SYT14: variants seen among roughly 807,000 people sequenced by gnomAD.
SYT14 encodes synaptotagmin 14, also known as synaptotagmin-14.
Under a neutral mutation model 74.2 loss-of-function variants are expected in SYT14, and 32 were observed. That is an observed-to-expected ratio of 0.43 (90% confidence interval 0.33 to 0.58). SYT14 has a LOEUF of 0.58. Among genes scored for constraint, SYT14 ranks in the 20% least tolerant of loss-of-function variants. The pLI, the probability that SYT14 is intolerant of heterozygous loss-of-function variation, is 0.05. For synonymous variants in SYT14, 298 were observed against 337.7 expected (o/e 0.88, Z 1.29); for missense variants, 791 against 981.8 (o/e 0.81, Z 2.60).
intron 7 of SYT14, among the ~76,000 whole-genome samples, chr1:210,146,166 C>T (rs979132348): frequency 3.4e-4 from 51 of 151,936 alleles, no homozygotes; most frequent in Admixed American, 2.6e-3. Context: ...GGTGAAACCC[C>T]ATCTCTACTA....
At chr1:210,043,859 CTA>C (rs545821891) in intron 5 of SYT14, among the ~76,000 whole-genome samples, 8 of 152,124 alleles carry the variant, frequency 5.3e-5, no homozygotes, top group Non-Finnish European at 1.0e-4. Context: ...ACCAGGTACT[CTA>C]TTTTTATTAT....
intron 2 of SYT14, among the ~76,000 whole-genome samples, chr1:209,960,025 A>G (rs2102708198): frequency 6.6e-6 from 1 of 152,230 alleles, no homozygotes; most frequent in East Asian, 1.9e-4. Context: ...TTCCTTTGAT[A>G]TTTATTACTT....
At chr1:210,163,559 A>G (rs1055902568) in exon 10 of SYT14, 1 of 453,432 alleles carries the variant, frequency 2.2e-6, no homozygotes, top group African/African-American at 2.0e-5. Context: ...GAATAGAAAA[A>G]CATTTCATAC....
At chr1:210,112,096 C>G (rs1443863169) in intron 7 of SYT14, among the ~76,000 whole-genome samples, 1 of 151,238 alleles carries the variant, frequency 6.6e-6, no homozygotes, top group Non-Finnish European at 1.5e-5. Context: ...TTATGTCTCA[C>G]AGAAGGGAAG....
intron 2 of SYT14, 46 bp downstream of exon 2, chr1:209,952,802 TC>T (rs34738664): frequency 2.6e-6 from 4 of 1,513,628 alleles, no homozygotes; most frequent in African/African-American, 1.4e-5. Flanking sequence ...AATGAATACT[TC>T]CAAAGTGTAT....
At chr1:209,994,664 A>T (rs1348851875) in intron 2 of SYT14, among the ~76,000 whole-genome samples, 1 of 152,158 alleles carries the variant, frequency 6.6e-6, no homozygotes. Flanking sequence ...TATAGACAGG[A>T]ACCGTCACCA....
Position 210,155,345 on chromosome 1 carries a change from A to G in SYT14, c.2035-376A>G, listed in dbSNP as rs17015674. On this transcript the variant is annotated intron_variant, in intron 7 of 9. Coordinates refer to ENST00000637265, the Ensembl canonical transcript of SYT14. ...TTTTGTTTTGTTTATTTAAAGGCAC[A>G]GTTAGGACATTTGATGTATTGAGTC... 8.3e-3 allele frequency among the ~76,000 whole-genome samples: 1,257 copies of G among 152,322 alleles called. 16 individuals are homozygous for G. Among genetic ancestry groups the G allele is most frequent in the African/African-American group, 0.029 (1,185 of 41,570 alleles).
At chr1:210,058,414 C>T (rs1340799888) in intron 5 of SYT14, among the ~76,000 whole-genome samples, 1 of 152,090 alleles carries the variant, frequency 6.6e-6, no homozygotes, top group Non-Finnish European at 1.5e-5. Flanking sequence ...GTGAAGAACA[C>T]GGAGATATTT....
chr1:210,069,319 T>C (rs1361736257), intron 5 of SYT14, among the ~76,000 whole-genome samples: 3 of 152,036 alleles, frequency 2.0e-5, no homozygotes, highest in Non-Finnish European at 4.4e-5. Context: ...TCATCTGCTG[T>C]ATCTTTCCTA....
At chr1:210,017,793 T>A (rs1338772300) in intron 4 of SYT14, among the ~76,000 whole-genome samples, 1 of 152,216 alleles carries the variant, frequency 6.6e-6, no homozygotes, top group East Asian at 1.9e-4. Context: ...CATTAGCAGC[T>A]CATACTGCTA....
At chr1:210,023,234 C>T (rs1328058582) in intron 5 of SYT14, among the ~76,000 whole-genome samples, 3 of 152,112 alleles carry the variant, frequency 2.0e-5, no homozygotes, top group Admixed American at 6.6e-5. Flanking sequence ...GCTTGTTTAT[C>T]TCAAAAAACC....
At chr1:209,939,826 A>T (rs1029854597) in intron 1 of SYT14, among the ~76,000 whole-genome samples, 7 of 152,224 alleles carry the variant, frequency 4.6e-5, no homozygotes, top group Admixed American at 4.6e-4. Flanking sequence ...ATATGATGCT[A>T]TAACTTGTAA....
chr1:210,032,749 A>T (rs796398776), intron 5 of SYT14, among the ~76,000 whole-genome samples: 13 of 144,726 alleles, frequency 9.0e-5, no homozygotes, highest in Admixed American at 7.0e-4. Flanking sequence ...CTGTTTTTTT[A>T]TTTAAATACT....
chr1:209,952,931 T>C, intron 2 of SYT14, 175 bp downstream of exon 2: 2 of 1,083,006 alleles, frequency 1.8e-6, no homozygotes, highest in Admixed American at 4.3e-5. Context: ...TATTATGTGA[T>C]TATTGAGAGT....
At chr1:210,100,444 C>A (rs2082043241) in exon 7 of SYT14, 1 of 1,612,882 alleles carries the variant, frequency 6.2e-7, no homozygotes, top group African/African-American at 1.3e-5. Flanking sequence ...GATATTGGAA[C>A]CTTCTTACAA....
intron 5 of SYT14, among the ~76,000 whole-genome samples, chr1:210,091,466 A>T (rs1316162062): frequency 6.6e-6 from 1 of 152,186 alleles, no homozygotes; most frequent in Non-Finnish European, 1.5e-5. Flanking sequence ...AGGCAGGCGG[A>T]TTGCTTGAGC....
At chr1:210,012,497 G>T (rs890104678) in intron 2 of SYT14, among the ~76,000 whole-genome samples, 1 of 152,066 alleles carries the variant, frequency 6.6e-6, no homozygotes, top group African/African-American at 2.4e-5. Flanking sequence ...TGAATATTGC[G>T]GATTCTGAGG....
intron 7 of SYT14, among the ~76,000 whole-genome samples, chr1:210,148,621 A>G (rs945508299): frequency 2.0e-5 from 3 of 152,220 alleles, no homozygotes; most frequent in Non-Finnish European, 4.4e-5. Context: ...CTTGAAACAT[A>G]CAAATGTCTA....
chr1:210,140,736 A>G (rs1383120292), intron 7 of SYT14, among the ~76,000 whole-genome samples: 2 of 152,124 alleles, frequency 1.3e-5, no homozygotes, highest in Non-Finnish European at 2.9e-5. Flanking sequence ...CAGTTGTCCC[A>G]ACAATTTGTT....
Sources: gnomAD v4.1 joint callset for allele counts (sites outside exome capture counted in the v4.1 genomes callset) on GRCh38, gnomAD v4.1.1 for gene constraint, MANE v1.5 for transcripts, NCBI Gene and HGNC (gene_info 2026-07-23, HGNC 2026-07-21) for gene names.